Variants in CCSER1 observed in about 807,000 individuals in gnomAD.
CCSER1 encodes the protein serine-rich coiled-coil domain-containing protein 1.
In CCSER1, 41 loss-of-function variants were observed where a neutral mutation model predicts 82.0. The ratio of observed to expected loss-of-function variants is 0.50; its 90% confidence interval spans 0.39 to 0.65. The LOEUF is 0.65. CCSER1 is among the 30% of genes least tolerant of loss of function. The pLI is 0.00. For missense variants in CCSER1, 1,119 were observed against 1,064.2 expected (o/e 1.05, Z -0.72); for synonymous variants, 414 against 383.9 (o/e 1.08, Z -0.92).
chr4:90,930,497 T>A (rs546582654), intron 9 of CCSER1, among the ~76,000 whole-genome samples: 2 of 152,010 alleles, frequency 1.3e-5, no homozygotes, highest in South Asian at 4.2e-4. Flanking sequence ...TCCCAGCTAC[T>A]TGCTACTCAG....
intron 6 of CCSER1, among the ~76,000 whole-genome samples, chr4:90,700,820 A>G (rs898806887): frequency 2.6e-5 from 4 of 151,938 alleles, no homozygotes; most frequent in African/African-American, 9.7e-5. Context: ...TCCTTGCCCA[A>G]TTTTTGATGG....
At position 91,604,566 on chromosome 4, in the gene CCSER1, A is replaced by G. The variant is rs1448125698; in HGVS notation, c.*5509A>G. ...AGAGGGCCAATGAAGTGTCTAACAA[A>G]AGGAAAGCATACAGTAAATGAAAAA... is the stretch of plus-strand genomic sequence containing the variant. On this transcript the variant is annotated 3_prime_UTR_variant, in exon 11 of 11. Coordinates refer to ENST00000509176, the MANE Select transcript of CCSER1 (RefSeq NM_001145065.2). The G allele has an allele frequency of 2.0e-5, 3 of 152,072 alleles. No homozygotes were observed. The East Asian group carries it at 5.8e-4, about 29-fold the overall frequency. 9.4% of individuals were successfully genotyped at this position (152,072 alleles called of 1,614,324 possible).
chr4:90,740,638 A>C (rs183963022), intron 7 of CCSER1, among the ~76,000 whole-genome samples: 1 of 152,340 alleles, frequency 6.6e-6, no homozygotes, highest in Admixed American at 6.5e-5. Context: ...ACTTGTCAAC[A>C]TTAATACATA....
At chr4:91,442,379 C>T (rs201720382) in intron 10 of CCSER1, among the ~76,000 whole-genome samples, 12 of 151,796 alleles carry the variant, frequency 7.9e-5, no homozygotes, top group African/African-American at 2.2e-4. Flanking sequence ...GGAAAGGATT[C>T]GCTATTTAAT....
At position 90,489,055 on chromosome 4, in the gene CCSER1, A is replaced by G. The variant is rs1003804967; in HGVS notation, c.1724+20701A>G. On this transcript the variant is annotated intron_variant, in intron 5 of 10. Coordinates refer to ENST00000509176, the MANE Select transcript of CCSER1 (RefSeq NM_001145065.2). ...GAATAATGAGACTGCCTTGTACTTT[A>G]CTGAGTTTGGGATTAATAATTAATA... Among the ~76,000 whole-genome samples, 4 of 152,300 alleles carry G rather than the reference A, an allele frequency of 2.6e-5. No homozygotes were observed. The East Asian group carries it at 7.7e-4, about 29-fold the overall frequency.
intron 7 of CCSER1, among the ~76,000 whole-genome samples, chr4:90,749,953 GTTGT>G (rs1748299153): frequency 6.6e-6 from 1 of 152,022 alleles, no homozygotes; most frequent in Admixed American, 6.6e-5. Context: ...TCCAGCACCT[GTTGT>G]TTCCTGACTT....
At chr4:90,150,069 G>A (rs1726527290) in intron 1 of CCSER1, among the ~76,000 whole-genome samples, 3 of 152,030 alleles carry the variant, frequency 2.0e-5, no homozygotes, top group African/African-American at 7.2e-5. Context: ...CTCCATATAG[G>A]GGATAACCAC....
chr4:90,772,446 T>A lies in CCSER1; in HGVS notation c.2011-43316T>A, dbSNP rs562493772. Among the ~76,000 whole-genome samples the A allele has an allele frequency of 5.9e-5, 9 of 152,254 alleles. No homozygotes were observed. In the South Asian group the frequency reaches 1.7e-3, roughly 28 times the overall value. ...GTTCTATATATTCTAACAGATAAAA[T>A]TTCTCACAGAAAATGTCAGGTATAA... On this transcript the variant is annotated intron_variant, in intron 7 of 10. Coordinates refer to ENST00000509176, the MANE Select transcript of CCSER1 (RefSeq NM_001145065.2).
At chr4:91,474,031 C>T (rs1407471800) in intron 10 of CCSER1, among the ~76,000 whole-genome samples, 1 of 151,990 alleles carries the variant, frequency 6.6e-6, no homozygotes, top group Non-Finnish European at 1.5e-5. Flanking sequence ...TAAGTTTCTT[C>T]GATGTTCTAG....
At chr4:90,688,012 G>A (rs1639040969) in intron 6 of CCSER1, among the ~76,000 whole-genome samples, 1 of 152,098 alleles carries the variant, frequency 6.6e-6, no homozygotes, top group African/African-American at 2.4e-5. Flanking sequence ...AGAAAAGCTC[G>A]ATATTCATAA....
At position 91,296,451 on chromosome 4, in the gene CCSER1, ATATATATATATATATG is replaced by A. The variant is rs1033278389; in HGVS notation, c.2217+210473_2217+210488del. Among the ~76,000 whole-genome samples, 18 of 10,642 alleles carry A rather than the reference ATATATATATATATATG, an allele frequency of 1.7e-3. 1 individual carries two copies. The highest frequency in any genetic ancestry group is 0.014 in the Admixed American group (12 of 854). The allele number at this position is 10,642 out of a possible 152,430, so 7.0% of individuals were successfully genotyped here. ...GGTGTAAACAGAAGTGTCTAACATT[ATATATATATATATATG>A]TATATATATATATATATATTTTAAT... On this transcript the variant is annotated intron_variant, in intron 10 of 10. Coordinates refer to ENST00000509176, the MANE Select transcript of CCSER1 (RefSeq NM_001145065.2).
chr4:91,120,636 A>T (rs967623039), intron 10 of CCSER1, among the ~76,000 whole-genome samples: 3 of 151,928 alleles, frequency 2.0e-5, no homozygotes, highest in African/African-American at 7.2e-5. Context: ...AGAGGAATCT[A>T]TGTCATGAGG....
intron 10 of CCSER1, among the ~76,000 whole-genome samples, chr4:91,223,214 A>G (rs1737887901): frequency 6.6e-6 from 1 of 152,156 alleles, no homozygotes; most frequent in South Asian, 2.1e-4. Context: ...AGGAGCAGGC[A>G]ATAGATAGTG....
intron 9 of CCSER1, among the ~76,000 whole-genome samples, chr4:91,026,405 T>C (rs1443615933): frequency 6.6e-6 from 1 of 152,048 alleles, no homozygotes; most frequent in Admixed American, 6.6e-5. Flanking sequence ...AATTGAAAAA[T>C]CATGTTTTAA....
intron 10 of CCSER1, among the ~76,000 whole-genome samples, chr4:91,102,950 TATC>T (rs1245903686): frequency 1.3e-5 from 2 of 152,346 alleles, no homozygotes; most frequent in Non-Finnish European, 2.9e-5. Flanking sequence ...ATTTGATACT[TATC>T]ATATCATAGT....
intron 1 of CCSER1, among the ~76,000 whole-genome samples, chr4:90,171,380 G>A (rs1731642918): frequency 6.6e-6 from 1 of 151,740 alleles, no homozygotes; most frequent in Non-Finnish European, 1.5e-5. Flanking sequence ...CATGAAAACA[G>A]AATAAATATT....
intron 7 of CCSER1, among the ~76,000 whole-genome samples, chr4:90,795,518 C>T (rs1234623470): frequency 1.3e-5 from 2 of 152,162 alleles, no homozygotes; most frequent in Non-Finnish European, 2.9e-5. Context: ...CTGGCCAGGA[C>T]TTTCAATACT....
At chr4:90,578,385 T>C (rs1191216198) in intron 5 of CCSER1, among the ~76,000 whole-genome samples, 1 of 152,152 alleles carries the variant, frequency 6.6e-6, no homozygotes, top group Non-Finnish European at 1.5e-5. Flanking sequence ...CTATATTCCT[T>C]GACTCATGGC....
rs546293842 is a variant in CCSER1 at position 90,706,843 on chromosome 4, AT to A, written c.1933-17068del. ...TGTTTGCCACAGGATATGCTAAACC[AT>A]TTGTCCTTTTTGAGAGGGTTTGTGA... On this transcript the variant is annotated intron_variant, in intron 6 of 10. Coordinates refer to ENST00000509176, the MANE Select transcript of CCSER1 (RefSeq NM_001145065.2). Among the ~76,000 whole-genome samples the A allele has an allele frequency of 4.6e-3, 696 of 152,278 alleles. 4 individuals carry two copies. The highest frequency in any genetic ancestry group is 6.5e-3 in the Non-Finnish European group (442 of 68,020).
Sources: gnomAD v4.1 joint callset for allele counts (sites outside exome capture counted in the v4.1 genomes callset) on GRCh38, gnomAD v4.1.1 for gene constraint, MANE v1.5 for transcripts, NCBI Gene and HGNC (gene_info 2026-07-23, HGNC 2026-07-21) for gene names.